IL6ST: variants seen among roughly 807,000 people sequenced by gnomAD.
IL6ST encodes the protein interleukin-6 receptor subunit beta.
Under a neutral mutation model 91.3 loss-of-function variants are expected in IL6ST, and 24 were observed. The ratio of observed to expected loss-of-function variants is 0.26; its 90% CI spans 0.19 to 0.37. The LOEUF (loss-of-function observed/expected upper bound fraction) is 0.37. Among genes scored for constraint, IL6ST ranks in the 10% least tolerant of loss-of-function variants. The pLI is 1.00. For missense variants in IL6ST, 914 were observed against 1,078.5 expected, an observed-to-expected ratio of 0.85 and a Z score of 2.14; for synonymous variants, 351 against 373.6, an observed-to-expected ratio of 0.94 and a Z score of 0.70.
At chr5:55,993,150 T>C (rs1190647815) in intron 1 of IL6ST, among the ~76,000 whole-genome samples, 4 of 152,220 alleles carry the variant, frequency 2.6e-5, no homozygotes, top group South Asian at 2.1e-4. Flanking sequence ...CCCATTAAAA[T>C]GAGCAGCTCT....
At chr5:55,970,744 T>TA (rs1330066246) in intron 3 of IL6ST, among the ~76,000 whole-genome samples, 3 of 151,838 alleles carry the variant, frequency 2.0e-5, no homozygotes, top group Admixed American at 6.6e-5. Context: ...CAGTCTCTAC[T>TA]AAAAATACAA....
chr5:55,993,776 T>G (rs1403512580), intron 1 of IL6ST, among the ~76,000 whole-genome samples: 1 of 152,198 alleles, frequency 6.6e-6, no homozygotes, highest in Non-Finnish European at 1.5e-5. Context: ...TCAAAAATAC[T>G]TCCAAATAGG....
chr5:55,960,587 G>A, intron 7 of IL6ST, 26 bp from the exon 8 acceptor site: 4 of 1,594,124 alleles, frequency 2.5e-6, no homozygotes, highest in Non-Finnish European at 3.4e-6. Context: ...CCAAACAACA[G>A]AAAACCTCAA....
intron 7 of IL6ST, among the ~76,000 whole-genome samples, chr5:55,961,023 C>T (rs914930060): frequency 6.6e-6 from 1 of 151,072 alleles, no homozygotes; most frequent in African/African-American, 2.4e-5. Context: ...ACTGCAACCT[C>T]CGCCTCCCAG....
chr5:55,955,835 G>A (rs950582514), intron 10 of IL6ST, 190 bp downstream of exon 10: 2 of 354,898 alleles, frequency 5.6e-6, no homozygotes, highest in Non-Finnish European at 1.0e-5. Flanking sequence ...TGAGCAACCT[G>A]GCGAGACCCA....
chr5:55,990,184 T>C (rs146871040), intron 1 of IL6ST, among the ~76,000 whole-genome samples: 1 of 152,136 alleles, frequency 6.6e-6, no homozygotes, highest in Non-Finnish European at 1.5e-5. Context: ...ATCTATATAC[T>C]ATAGCCATTT....
intron 3 of IL6ST, among the ~76,000 whole-genome samples, chr5:55,970,554 G>A (rs927945312): frequency 5.3e-5 from 8 of 152,140 alleles, no homozygotes; most frequent in African/African-American, 1.9e-4. Flanking sequence ...CGAGCATGGT[G>A]GTGCACGCCT....
intron 1 of IL6ST, among the ~76,000 whole-genome samples, chr5:55,990,094 T>C (rs186089289): frequency 3.3e-4 from 51 of 152,328 alleles, no homozygotes; most frequent in African/African-American, 1.2e-3. Flanking sequence ...ATTCCAAATG[T>C]AACAGGGCAA....
At chr5:55,988,767 C>CAA (rs34387197) in intron 1 of IL6ST, among the ~76,000 whole-genome samples, 3,331 of 99,112 alleles carry the variant, frequency 0.034, 178 homozygotes, top group African/African-American at 0.12. Context: ...ACTCCATCTC[C>CAA]AAAAAAAAAA....
intron 8 of IL6ST, among the ~76,000 whole-genome samples, chr5:55,958,740 G>C (rs142966257): frequency 1.3e-5 from 2 of 151,650 alleles, no homozygotes; most frequent in Non-Finnish European, 2.9e-5. Flanking sequence ...GTTGGGGGCT[G>C]AGGCATGAGG....
chr5:55,935,646 T>A lies in IL6ST; in HGVS notation c.*5436A>T, dbSNP rs1460184395. Reference sequence around the variant, plus strand: ...TTTTTCTACCTCAGTTCCTCTTTGCTTGTAGTCTTTCACTCCATTAACTTG... The same window carrying A: ...TTTTTCTACCTCAGTTCCTCTTTGCATGTAGTCTTTCACTCCATTAACTTG... On this transcript the variant is annotated 3_prime_UTR_variant, in exon 17 of 17. Coordinates refer to ENST00000381298, the MANE Select transcript of IL6ST (RefSeq NM_002184.4). 4.6e-6 allele frequency: 1 copy of A among 219,514 alleles called. No individual in the cohort carries two copies. Among genetic ancestry groups the A allele is most frequent in the African/African-American group, 2.2e-5 (1 of 44,572 alleles). 13.6% of individuals were successfully genotyped at this position (219,514 alleles called of 1,614,324 possible).
intron 5 of IL6ST, among the ~76,000 whole-genome samples, chr5:55,965,481 G>A (rs6893235): frequency 1.3e-5 from 2 of 151,890 alleles, no homozygotes; most frequent in African/African-American, 4.8e-5. Flanking sequence ...TAGCTCTTTC[G>A]ACTGAAAAAA....
intron 2 of IL6ST, among the ~76,000 whole-genome samples, chr5:55,979,143 G>C (rs1753493027): frequency 6.6e-6 from 1 of 152,106 alleles, no homozygotes; most frequent in African/African-American, 2.4e-5. Context: ...TGTCATATCA[G>C]CACTTTGGGA....
rs1561153363 is a variant in IL6ST at position 55,942,739 on chromosome 5, GTGT to G, written c.1947_1949del (p.Lys649_His650delinsAsn). On this transcript the variant is annotated inframe_deletion, in exon 16 of 17. Transcript: ENST00000381298. ...AAGGATCTGGAACATTAGGCCAGAT[GTGT>G]TTTTTAATTCTGAAGAGAAAAGAAA... 1 of 1,601,658 alleles carries G rather than the reference GTGT, an allele frequency of 6.2e-7. No individual in the cohort carries two copies. Among genetic ancestry groups the G allele is most frequent in the Non-Finnish European group, 8.5e-7 (1 of 1,170,266 alleles).
In IL6ST at chr5:55,938,967, C is replaced by T. The variant is rs62363868; in HGVS notation, c.*2115G>A. 0.025 allele frequency: 5,011 copies of T among 203,972 alleles called. 149 individuals are homozygous for T. Among genetic ancestry groups the T allele is most frequent in the African/African-American group, 0.068 (2,983 of 43,684 alleles). The allele number at this position is 203,972 out of a possible 1,614,324, so 12.6% of individuals were successfully genotyped here. A position where few individuals can be genotyped will look rare whatever the true frequency, so the allele number is the denominator to read the frequency against. ...TGTTTATATCATGGCCTTCAATGATCCTCCATTCTCATTCCTGTAGATTAA... is the reference window on the plus strand; with the variant it reads ...TGTTTATATCATGGCCTTCAATGATTCTCCATTCTCATTCCTGTAGATTAA... On this transcript the variant is annotated 3_prime_UTR_variant, in exon 17 of 17. Coordinates refer to ENST00000381298, the MANE Select transcript of IL6ST (RefSeq NM_002184.4).
At chr5:55,975,579 G>A (rs1271116388) in intron 3 of IL6ST, among the ~76,000 whole-genome samples, 1 of 152,086 alleles carries the variant, frequency 6.6e-6, no homozygotes, top group African/African-American at 2.4e-5. Context: ...TTGCTTTGTT[G>A]CCCAGACTGA....
At chr5:55,945,040 CAA>C (rs368225632) in intron 15 of IL6ST, among the ~76,000 whole-genome samples, 39 of 71,894 alleles carry the variant, frequency 5.4e-4, no homozygotes, top group Non-Finnish European at 7.0e-4. Context: ...GGAATTAAAT[CAA>C]AAAAAAAAAA....
At chr5:55,960,282 A>G (rs1752233065) in intron 8 of IL6ST, 120 bp downstream of exon 8, 1 of 733,706 alleles carries the variant, frequency 1.4e-6, no homozygotes, top group African/African-American at 1.8e-5. Flanking sequence ...ACGTTAAAAT[A>G]CTGCAGTTTG....
At position 55,941,102 on chromosome 5, in the gene IL6ST, C is replaced by G. The variant is rs1750875485; in HGVS notation, c.2737G>C (p.Gly913Arg). The G allele has an allele frequency of 2.5e-6, 4 of 1,612,338 alleles. No individual in the cohort carries two copies. Among genetic ancestry groups the G allele is most frequent in the Non-Finnish European group, 3.4e-6 (4 of 1,178,982 alleles). Residue 913 changes from glycine to arginine, a missense_variant, in exon 17 of 17, where the codon GGC becomes CGC. Transcript: ENST00000381298. ...KSYLPQTVRQ[G>R]GYMPQ The stretch of plus-strand genomic sequence containing the variant: ...GTCCTTCACTGAGGCATGTAGCCGC[C>G]TTGCCGTACAGTCTGTGGTAAGTAA...
Sources: allele counts gnomAD v4.1 joint callset (sites outside exome capture counted in the v4.1 genomes callset), GRCh38; gene constraint gnomAD v4.1.1; transcripts MANE v1.5; gene names NCBI Gene and HGNC (gene_info 2026-07-23, HGNC 2026-07-21).